The following RSPO3 variants were observed in gnomAD, a reference collection of about 807,000 sequenced individuals.
RSPO3 encodes the protein R-spondin-3.
In RSPO3, 17 loss-of-function variants were observed where a neutral mutation model predicts 36.5. The observed-to-expected ratio is 0.47, with a 90% CI of 0.32 to 0.70. The LOEUF (loss-of-function observed/expected upper bound fraction) is 0.70, where lower values mean the gene tolerates loss of function less well. Ranked by LOEUF, RSPO3 falls within the 30% of genes least tolerant of loss-of-function variation. The probability of loss-of-function intolerance (pLI) is 0.04; values close to 1 mark genes in which losing one functional copy is unlikely to be tolerated. For synonymous variants in RSPO3, 108 were observed against 107.0 expected (o/e 1.01, Z -0.06); for missense variants, 294 against 322.5 (o/e 0.91, Z 0.68).
chr6:127,188,096 G>A (rs1425956493), intron 4 of RSPO3, among the ~76,000 whole-genome samples: 3 of 152,128 alleles, frequency 2.0e-5, no homozygotes, highest in South Asian at 2.1e-4. Context: ...CCAGGCAGCA[G>A]AAGCAATGAG....
At chr6:127,132,426 T>C (rs1774075917) in intron 1 of RSPO3, among the ~76,000 whole-genome samples, 1 of 152,064 alleles carries the variant, frequency 6.6e-6, no homozygotes, top group Admixed American at 6.6e-5. Context: ...GTTTTTTTAA[T>C]GTGCACAGGA....
At chr6:127,128,366 A>ACTCCATCCTTGAACAAATAAAACTATCTT (rs1773983773) in intron 1 of RSPO3, among the ~76,000 whole-genome samples, 2 of 151,976 alleles carry the variant, frequency 1.3e-5, no homozygotes, top group African/African-American at 2.4e-5. Context: ...TAATGCCCAG[A>ACTCCATCCTTGAACAAATAAAACTATCTT]CTCCACCCTT....
intron 1 of RSPO3, among the ~76,000 whole-genome samples, chr6:127,123,030 C>T (rs928260330): frequency 1.3e-5 from 2 of 151,726 alleles, no homozygotes; most frequent in East Asian, 1.9e-4. Flanking sequence ...TATAAAACTT[C>T]GCAAGTCTTT....
At chr6:127,194,876 T>TA (rs1459431077) in intron 4 of RSPO3, among the ~76,000 whole-genome samples, 1 of 152,188 alleles carries the variant, frequency 6.6e-6, no homozygotes, top group Non-Finnish European at 1.5e-5. Flanking sequence ...ATTTGCTGGA[T>TA]AGAGACTCAA....
chr6:127,143,363 A>T (rs562589155), intron 1 of RSPO3, among the ~76,000 whole-genome samples: 2 of 152,088 alleles, frequency 1.3e-5, no homozygotes, highest in African/African-American at 4.8e-5. Context: ...TGTAAAAAAA[A>T]CTTTGATTAT....
At chr6:127,142,738 T>C (rs1774299365) in intron 1 of RSPO3, among the ~76,000 whole-genome samples, 1 of 152,226 alleles carries the variant, frequency 6.6e-6, no homozygotes, top group Non-Finnish European at 1.5e-5. Context: ...ATAGATACTT[T>C]CTGTTAAACA....
intron 4 of RSPO3, among the ~76,000 whole-genome samples, chr6:127,177,206 T>G (rs1253452051): frequency 6.6e-6 from 1 of 151,902 alleles, no homozygotes; most frequent in East Asian, 1.9e-4. Context: ...TCAAAAACTG[T>G]AACATGTTAC....
At chr6:127,193,158 C>T (rs1269259994) in intron 4 of RSPO3, among the ~76,000 whole-genome samples, 1 of 152,182 alleles carries the variant, frequency 6.6e-6, no homozygotes, top group African/African-American at 2.4e-5. Context: ...TTTACTAGAG[C>T]CTTCCCTTTC....
intron 1 of RSPO3, among the ~76,000 whole-genome samples, chr6:127,145,865 G>C (rs1429947628): frequency 6.6e-6 from 1 of 152,126 alleles, no homozygotes; most frequent in Non-Finnish European, 1.5e-5. Flanking sequence ...AGAATCACAA[G>C]ATTTTATGGC....
At chr6:127,170,269 C>T (rs1774909421) in intron 4 of RSPO3, among the ~76,000 whole-genome samples, 1 of 151,598 alleles carries the variant, frequency 6.6e-6, no homozygotes. Context: ...GAACCCTCTG[C>T]TCTGTTGAAA....
chr6:127,124,666 A>G (rs1773906713), intron 1 of RSPO3, among the ~76,000 whole-genome samples: 1 of 152,058 alleles, frequency 6.6e-6, no homozygotes, highest in Admixed American at 6.6e-5. Context: ...TTAAAATTTA[A>G]TATCTGACAA....
intron 4 of RSPO3, chr6:127,192,817 C>A: frequency 2.0e-6 from 1 of 493,826 alleles, no homozygotes; most frequent in Non-Finnish European, 2.6e-6. Context: ...ATTGTCATAA[C>A]TGGAATGCTT....
At chr6:127,139,562 AAAAAAAATATTTCTAACCTT>A (rs1774228199) in intron 1 of RSPO3, among the ~76,000 whole-genome samples, 2 of 151,238 alleles carry the variant, frequency 1.3e-5, no homozygotes, top group Admixed American at 1.3e-4. Context: ...TTAAGGTTAG[AAAAAAAATATTTCTAACCTT>A]AAAAAAAAAT....
intron 1 of RSPO3, among the ~76,000 whole-genome samples, chr6:127,128,562 G>A (rs1255681043): frequency 3.9e-5 from 6 of 152,078 alleles, no homozygotes; most frequent in Admixed American, 3.9e-4. Context: ...AACCATGCCA[G>A]TTTTGGGAAG....
intron 4 of RSPO3, among the ~76,000 whole-genome samples, chr6:127,171,514 G>A (rs1774933864): frequency 1.3e-5 from 2 of 151,558 alleles, no homozygotes; most frequent in Non-Finnish European, 3.0e-5. Flanking sequence ...TTCCACATTT[G>A]TCATTATGAC....
chr6:127,188,407 A>G (rs1183134060), intron 4 of RSPO3, among the ~76,000 whole-genome samples: 2 of 152,148 alleles, frequency 1.3e-5, no homozygotes, highest in Non-Finnish European at 2.9e-5. Flanking sequence ...ACTGCATTCA[A>G]ACCTCAAGTA....
chr6:127,185,856 T>C (rs1000751930), intron 4 of RSPO3, among the ~76,000 whole-genome samples: 3 of 152,100 alleles, frequency 2.0e-5, no homozygotes, highest in African/African-American at 7.2e-5. Context: ...TGTCAGCAAG[T>C]ATGAGGCCAT....
chr6:127,133,512 A>G (rs1355480006), intron 1 of RSPO3, among the ~76,000 whole-genome samples: 2 of 152,066 alleles, frequency 1.3e-5, no homozygotes, highest in Non-Finnish European at 2.9e-5. Flanking sequence ...ATAATCTTTC[A>G]TTTATCTGAA....
At chr6:127,180,772 A>G (rs558649284) in intron 4 of RSPO3, among the ~76,000 whole-genome samples, 3 of 151,926 alleles carry the variant, frequency 2.0e-5, no homozygotes, top group African/African-American at 7.2e-5. Context: ...CATAGAGACC[A>G]TTTATTATTG....
Sources: allele counts gnomAD v4.1 joint callset (sites outside exome capture counted in the v4.1 genomes callset), GRCh38; gene constraint gnomAD v4.1.1; transcripts MANE v1.5; gene names NCBI Gene and HGNC (gene_info 2026-07-23, HGNC 2026-07-21).